The following DUSP16 variants were observed in gnomAD, a reference collection of about 807,000 sequenced individuals.
The protein encoded by DUSP16 is dual specificity protein phosphatase 16.
In DUSP16, 21 loss-of-function variants were observed where a neutral mutation model predicts 58.3. The ratio of observed to expected loss-of-function variants is 0.36; its 90% CI spans 0.26 to 0.52. The LOEUF is 0.52. Ranked by LOEUF, DUSP16 falls within the 20% of genes least tolerant of loss-of-function variation. DUSP16 has a pLI of 0.94. For synonymous variants in DUSP16, 320 were observed against 323.8 expected, an observed-to-expected ratio of 0.99 and a Z score of 0.12; for missense variants, 726 against 819.0, an observed-to-expected ratio of 0.89 and a Z score of 1.39.
chr12:12,554,566 T>C (rs1190309092), intron 1 of DUSP16: 1 of 152,224 alleles, frequency 6.6e-6, no homozygotes, highest in East Asian at 1.9e-4. Flanking sequence ...TTTTCAAAAA[T>C]TTATCAATAC....
intron 1 of DUSP16, among the ~76,000 whole-genome samples, chr12:12,558,051 G>A (rs1199849898): frequency 6.6e-6 from 1 of 152,184 alleles, no homozygotes; most frequent in Non-Finnish European, 1.5e-5. Flanking sequence ...CAGCTGTCTG[G>A]TAATTATCTT....
intron 3 of DUSP16, among the ~76,000 whole-genome samples, chr12:12,504,635 T>C (rs1943959637): frequency 6.7e-6 from 1 of 148,874 alleles, no homozygotes; most frequent in African/African-American, 2.5e-5. Context: ...CCTGGAATGG[T>C]TGTCATTTAA....
intron 1 of DUSP16, among the ~76,000 whole-genome samples, chr12:12,525,260 A>G (rs1004497254): frequency 3.3e-5 from 5 of 151,872 alleles, no homozygotes; most frequent in African/African-American, 1.2e-4. Context: ...ATCTAAATAA[A>G]ACATGTAGAA....
chr12:12,515,331 T>G, intron 3 of DUSP16, among the ~76,000 whole-genome samples: 1 of 31,654 alleles, frequency 3.2e-5, no homozygotes, highest in South Asian at 1.0e-3. Flanking sequence ...ATTAATATGC[T>G]TTTTTTTTTT....
chr12:12,504,699 AAAAAAAAAAAAAAG>A (rs1248331408), intron 3 of DUSP16, among the ~76,000 whole-genome samples: 132 of 132,544 alleles, frequency 1.0e-3, no homozygotes, highest in African/African-American at 3.2e-3. Context: ...GTTAAAAAAA[AAAAAAAAAAAAAAG>A]AAAGAAAGAA....
At chr12:12,551,486 C>G (rs1271187271) in intron 1 of DUSP16, among the ~76,000 whole-genome samples, 2 of 149,052 alleles carry the variant, frequency 1.3e-5, no homozygotes, top group Non-Finnish European at 3.0e-5. Context: ...AAAATGGGCA[C>G]TATCTGTTGC....
At chr12:12,503,388 G>A (rs923743759) in intron 3 of DUSP16, among the ~76,000 whole-genome samples, 8 of 152,074 alleles carry the variant, frequency 5.3e-5, no homozygotes, top group African/African-American at 1.9e-4. Context: ...ACCACATTTG[G>A]CTAATTTTTT....
At chr12:12,523,615 G>A (rs1944264344) in intron 1 of DUSP16, among the ~76,000 whole-genome samples, 1 of 152,148 alleles carries the variant, frequency 6.6e-6, no homozygotes, top group Non-Finnish European at 1.5e-5. Flanking sequence ...TGGTAATGAA[G>A]TACAAAAGTC....
At chr12:12,496,721 C>CT (rs1943833149) in intron 4 of DUSP16, among the ~76,000 whole-genome samples, 1 of 152,188 alleles carries the variant, frequency 6.6e-6, no homozygotes. Flanking sequence ...GAGATTCTTT[C>CT]TCAAATCCCA....
intron 3 of DUSP16, among the ~76,000 whole-genome samples, chr12:12,513,689 C>G (rs1276432200): frequency 6.6e-6 from 1 of 152,180 alleles, no homozygotes; most frequent in Non-Finnish European, 1.5e-5. Context: ...TGGCAGAGCC[C>G]TTTTGCTTTT....
chr12:12,496,269 C>A (rs966857462), intron 4 of DUSP16, among the ~76,000 whole-genome samples: 1 of 152,174 alleles, frequency 6.6e-6, no homozygotes, highest in Non-Finnish European at 1.5e-5. Flanking sequence ...AATTTTGACA[C>A]GCTTTTGTGT....
At chr12:12,500,965 T>C (rs1422476479) in intron 3 of DUSP16, among the ~76,000 whole-genome samples, 1 of 151,670 alleles carries the variant, frequency 6.6e-6, no homozygotes, top group Non-Finnish European at 1.5e-5. Flanking sequence ...CAACATTTGC[T>C]CCCCACTCCC....
chr12:12,512,823 A>G (rs777447566), intron 3 of DUSP16, among the ~76,000 whole-genome samples: 6 of 152,156 alleles, frequency 3.9e-5, no homozygotes, highest in Non-Finnish European at 8.8e-5. Flanking sequence ...AATCTCATTT[A>G]CCAAGTTCTA....
intron 1 of DUSP16, among the ~76,000 whole-genome samples, chr12:12,542,482 G>A (rs1477051282): frequency 6.6e-6 from 1 of 151,910 alleles, no homozygotes; most frequent in Non-Finnish European, 1.5e-5. Flanking sequence ...GGAGGAGTGG[G>A]AAATGGTGTA....
At chr12:12,512,778 T>C (rs911183847) in intron 3 of DUSP16, among the ~76,000 whole-genome samples, 1 of 152,196 alleles carries the variant, frequency 6.6e-6, no homozygotes, top group African/African-American at 2.4e-5. Context: ...AGTTCCTTAA[T>C]AATTGGCATA....
chr12:12,538,187 A>C (rs1944498339), intron 1 of DUSP16, among the ~76,000 whole-genome samples: 1 of 152,190 alleles, frequency 6.6e-6, no homozygotes, highest in Non-Finnish European at 1.5e-5. Flanking sequence ...TATCCTAAAG[A>C]CATCTTTGGT....
Position 12,519,847 on chromosome 12 carries a change from C to T in DUSP16, c.367+15G>A. The T allele has an allele frequency of 6.2e-7, 1 of 1,613,686 alleles. No homozygotes were observed. Among genetic ancestry groups the T allele is most frequent in the Non-Finnish European group, 8.5e-7 (1 of 1,179,756 alleles). On this transcript the variant is annotated intron_variant, in intron 3 of 6. Transcript: ENST00000298573. ...GCAAGATTCTGAGTCCTTTTAATTC[C>T]ATCACGAGCCTTACCTGCAAGCAGG...
chr12:12,513,861 T>C (rs1035419522), intron 3 of DUSP16, among the ~76,000 whole-genome samples: 1 of 152,184 alleles, frequency 6.6e-6, no homozygotes, highest in African/African-American at 2.4e-5. Flanking sequence ...TCACATATAT[T>C]TACTTCTAAT....
intron 5 of DUSP16, among the ~76,000 whole-genome samples, chr12:12,486,061 G>A (rs1209288284): frequency 6.8e-6 from 1 of 147,394 alleles, no homozygotes; most frequent in African/African-American, 2.5e-5. Flanking sequence ...CCAAAGTGCT[G>A]GGATTACAGG....
Sources: allele counts gnomAD v4.1 joint callset (sites outside exome capture counted in the v4.1 genomes callset), GRCh38; gene constraint gnomAD v4.1.1; transcripts MANE v1.5; gene names NCBI Gene and HGNC (gene_info 2026-07-23, HGNC 2026-07-21).